Variants in ATG3 observed in about 807,000 individuals in gnomAD.
ATG3 encodes ubiquitin-like-conjugating enzyme ATG3.
ATG3 carries 25 observed loss-of-function variants against 50.7 expected under a neutral mutation model. The observed-to-expected ratio is 0.49, with a 90% CI of 0.36 to 0.69. ATG3 has a LOEUF of 0.69. Ranked by LOEUF, ATG3 falls within the 30% of genes least tolerant of loss-of-function variation. ATG3 has a pLI of 0.00. For missense variants in ATG3, 281 were observed against 376.0 expected, an observed-to-expected ratio of 0.75 and a Z score of 2.09; for synonymous variants, 119 against 125.5, an observed-to-expected ratio of 0.95 and a Z score of 0.34.
chr3:112,541,147 G>A (rs1041234071), intron 7 of ATG3, among the ~76,000 whole-genome samples: 1 of 151,996 alleles, frequency 6.6e-6, no homozygotes, highest in African/African-American at 2.4e-5. Context: ...CCAGCACTTT[G>A]GGGAGGCCGA....
intron 2 of ATG3, among the ~76,000 whole-genome samples, chr3:112,553,983 G>T (rs1330938976): frequency 6.6e-6 from 1 of 152,130 alleles, no homozygotes; most frequent in Non-Finnish European, 1.5e-5. Context: ...AAAAACCTTA[G>T]ACTTCCTAAG....
intron 11 of ATG3, chr3:112,533,783 CAAGA>C: frequency 1.0e-6 from 1 of 985,308 alleles, no homozygotes; most frequent in Non-Finnish European, 1.2e-6. Context: ...TAGTAAGATA[CAAGA>C]AAGGTGCTAC....
At chr3:112,550,169 C>T (rs748528367) in intron 4 of ATG3, 23 bp downstream of exon 4, 1 of 1,559,132 alleles carries the variant, frequency 6.4e-7, no homozygotes, top group Non-Finnish European at 8.8e-7. Context: ...AAAATTTATT[C>T]ATATATGCAA....
At chr3:112,544,168 T>A (rs1007418188) in intron 5 of ATG3, 62 bp from the exon 6 acceptor site, 9 of 1,328,822 alleles carry the variant, frequency 6.8e-6, no homozygotes, top group Non-Finnish European at 8.5e-6. Flanking sequence ...TATTTACTTA[T>A]TAAAGCAATA....
intron 7 of ATG3, 67 bp downstream of exon 7, chr3:112,541,736 C>T (rs1172899519): frequency 1.5e-6 from 2 of 1,356,486 alleles, no homozygotes; most frequent in Non-Finnish European, 2.1e-6. Context: ...ATTCTTAATC[C>T]ACATAAATTA....
chr3:112,540,370 A>C (rs778860043), intron 7 of ATG3, among the ~76,000 whole-genome samples: 3 of 152,170 alleles, frequency 2.0e-5, no homozygotes, highest in African/African-American at 7.2e-5. Flanking sequence ...AACACAATCT[A>C]TCTCACTCTA....
In ATG3 at chr3:112,536,520, T is replaced by G. The variant is rs79676996; in HGVS notation, c.749A>C (p.His250Pro). Residue 250 changes from histidine (H) to proline (P), a missense_variant, in exon 10 of 12, where the codon CAC (histidine) becomes CCC (proline). Physicochemically the swap from His to Pro is moderately conservative, Grantham distance 77. Transcript: ENST00000283290. ...HVKKTVTIEN[H>P]PHLPPPPMCS... ...CATGGGAGGTGGTGGCAGATGAGGGTGATTTTCAATGGTCACTGTTTTCTT... is the reference window on the plus strand; with the variant it reads ...CATGGGAGGTGGTGGCAGATGAGGGGGATTTTCAATGGTCACTGTTTTCTT... 6.2e-7 allele frequency: 1 copy of G among 1,613,900 alleles called. No individual in the cohort carries two copies. The highest frequency in any genetic ancestry group is 8.5e-7 in the Non-Finnish European group (1 of 1,179,852).
chr3:112,546,769 T>A (rs1933381569), intron 5 of ATG3, among the ~76,000 whole-genome samples: 1 of 152,222 alleles, frequency 6.6e-6, no homozygotes, highest in Non-Finnish European at 1.5e-5. Flanking sequence ...CCTACTGATG[T>A]GTTGCCAACA....
intron 2 of ATG3, among the ~76,000 whole-genome samples, chr3:112,556,232 T>C (rs567351610): frequency 3.9e-4 from 58 of 149,130 alleles, no homozygotes; most frequent in African/African-American, 1.3e-3. Context: ...TCGGCAGGGA[T>C]AGTTTAACTG....
At chr3:112,550,861 T>C (rs1437921855) in intron 3 of ATG3, among the ~76,000 whole-genome samples, 1 of 152,238 alleles carries the variant, frequency 6.6e-6, no homozygotes, top group Non-Finnish European at 1.5e-5. Flanking sequence ...GTCTCCAACA[T>C]GTTATTTTCA....
At chr3:112,557,776 T>G (rs1398045815) in intron 2 of ATG3, among the ~76,000 whole-genome samples, 2 of 151,832 alleles carry the variant, frequency 1.3e-5, no homozygotes, top group African/African-American at 2.4e-5. Flanking sequence ...TTCAAAACAG[T>G]GAATAAAGTT....
chr3:112,551,569 G>C (rs570522193), intron 3 of ATG3, among the ~76,000 whole-genome samples: 2 of 152,164 alleles, frequency 1.3e-5, no homozygotes, highest in South Asian at 2.1e-4. Flanking sequence ...GCTAAAAAAA[G>C]ATCCCGTCCA....
chr3:112,543,694 TTA>T (rs1488258872), intron 6 of ATG3, among the ~76,000 whole-genome samples: 4 of 152,176 alleles, frequency 2.6e-5, no homozygotes, highest in Non-Finnish European at 4.4e-5. Context: ...CATTCTCCAC[TTA>T]TATGACATTT....
Position 112,537,717 on chromosome 3 carries a change from A to C in ATG3, c.666+18T>G. 6.6e-7 allele frequency: 1 copy of C among 1,521,054 alleles called. No homozygotes were observed. Among genetic ancestry groups the C allele is most frequent in the Non-Finnish European group, 8.8e-7 (1 of 1,133,166 alleles). 94.2% of individuals were successfully genotyped at this position (1,521,054 alleles called of 1,614,324 possible). On this transcript the variant is annotated intron_variant, in intron 9 of 11. Coordinates refer to ENST00000283290, the MANE Select transcript of ATG3 (RefSeq NM_022488.5). ...ATTTAAAATATTGATATTAAAATATAATGCTTTTCATTTTTACCTCATCAT... is the reference window on the plus strand; with the variant it reads ...ATTTAAAATATTGATATTAAAATATCATGCTTTTCATTTTTACCTCATCAT...
At chr3:112,556,659 C>T (rs1335619244) in intron 2 of ATG3, among the ~76,000 whole-genome samples, 2 of 151,990 alleles carry the variant, frequency 1.3e-5, no homozygotes, top group African/African-American at 4.8e-5. Context: ...ACATTGTAGA[C>T]TTTTCATTTT....
rs576974723 is a variant in ATG3 at position 112,544,196 on chromosome 3, C to T, written c.344-90G>A. 85 of 1,062,100 alleles carry T rather than the reference C, an allele frequency of 8.0e-5. 1 individual carries two copies. In the South Asian group the frequency reaches 1.1e-3, roughly 13 times the overall value. The allele number at this position is 1,062,100 out of a possible 1,614,324, so 65.8% of individuals were successfully genotyped here. ...AAGCAATATAAAAATGCTGAAAATT[C>T]TCACAATTTCTCTGAAATAAGGAGG... On this transcript the variant is annotated intron_variant, in intron 5 of 11. Coordinates refer to ENST00000283290, the MANE Select transcript of ATG3 (RefSeq NM_022488.5).
chr3:112,552,247 C>T (rs1933547218), intron 3 of ATG3, among the ~76,000 whole-genome samples: 1 of 151,958 alleles, frequency 6.6e-6, no homozygotes, highest in Admixed American at 6.6e-5. Flanking sequence ...AAAAGTTCTG[C>T]CAATATTGGG....
In ATG3 at chr3:112,532,613, T is replaced by C; in HGVS notation, c.*86A>G. 2.0e-6 allele frequency: 2 copies of C among 998,304 alleles called. No homozygotes were observed. Among genetic ancestry groups the C allele is most frequent in the South Asian group, 4.8e-5 (2 of 42,054 alleles). The allele number at this position is 998,304 out of a possible 1,614,324, so 61.8% of individuals were successfully genotyped here. ...CCCTTATTAGAGAAACTGTATATATTGATGAATATGGTCAATGGTCACATC... is the reference window on the plus strand; with the variant it reads ...CCCTTATTAGAGAAACTGTATATATCGATGAATATGGTCAATGGTCACATC... On this transcript the variant is annotated 3_prime_UTR_variant, in exon 12 of 12. Transcript: ENST00000283290.
At chr3:112,537,540 T>C (rs1933103649) in intron 9 of ATG3, 195 bp downstream of exon 9, 1 of 425,834 alleles carries the variant, frequency 2.3e-6, no homozygotes, top group South Asian at 7.6e-5. Flanking sequence ...GTCTTAGCAT[T>C]ATTGTTACAC....
Sources: allele counts gnomAD v4.1 joint callset (sites outside exome capture counted in the v4.1 genomes callset), GRCh38; gene constraint gnomAD v4.1.1; transcripts MANE v1.5; gene names NCBI Gene and HGNC (gene_info 2026-07-23, HGNC 2026-07-21).